PTPRC: variants seen among roughly 807,000 people sequenced by gnomAD.
PTPRC encodes the protein protein tyrosine phosphatase receptor type C.
Under a neutral mutation model 155.9 loss-of-function variants are expected in PTPRC, and 44 were observed. The observed-to-expected ratio is 0.28, with a 90% CI of 0.22 to 0.36. The LOEUF is 0.36. PTPRC is among the 10% of genes least tolerant of loss of function. The pLI, the probability that PTPRC is intolerant of heterozygous loss-of-function variation, is 1.00. For missense variants in PTPRC, 1,401 were observed against 1,564.6 expected, an observed-to-expected ratio of 0.90 and a Z score of 1.76; for synonymous variants, 525 against 533.1, an observed-to-expected ratio of 0.98 and a Z score of 0.21.
At chr1:198,698,739 T>C (rs1421249860) in intron 4 of PTPRC, among the ~76,000 whole-genome samples, 1 of 152,092 alleles carries the variant, frequency 6.6e-6, no homozygotes, top group East Asian at 1.9e-4. Context: ...AGTATATGTA[T>C]GTGTTGTGTG....
chr1:198,698,594 A>G (rs1265088148), intron 4 of PTPRC, among the ~76,000 whole-genome samples: 1 of 152,020 alleles, frequency 6.6e-6, no homozygotes, highest in Non-Finnish European at 1.5e-5. Context: ...TACAATGACC[A>G]TCCATGTGCA....
At chr1:198,686,637 C>G (rs185255993) in intron 2 of PTPRC, among the ~76,000 whole-genome samples, 6 of 152,228 alleles carry the variant, frequency 3.9e-5, no homozygotes, top group Non-Finnish European at 7.4e-5. Flanking sequence ...TTTGCTTTAC[C>G]TATTTTCCAC....
At chr1:198,695,892 T>C (rs1318556550) in intron 3 of PTPRC, among the ~76,000 whole-genome samples, 1 of 152,160 alleles carries the variant, frequency 6.6e-6, no homozygotes, top group Non-Finnish European at 1.5e-5. Flanking sequence ...CCAGGCGTGG[T>C]GGCTCACGCC....
intron 2 of PTPRC, among the ~76,000 whole-genome samples, chr1:198,683,820 C>A (rs191474870): frequency 3.3e-5 from 5 of 151,940 alleles, no homozygotes; most frequent in African/African-American, 1.2e-4. Flanking sequence ...TGATAACAAG[C>A]CAGAATTTTG....
chr1:198,695,306 C>T (rs1016250073), intron 3 of PTPRC: 1 of 607,918 alleles, frequency 1.6e-6, no homozygotes, highest in African/African-American at 2.0e-5. Context: ...TTGTCTTTTG[C>T]CCAATCTTGT....
intron 25 of PTPRC, among the ~76,000 whole-genome samples, chr1:198,742,775 G>A (rs1215935301): frequency 3.3e-5 from 5 of 151,738 alleles, no homozygotes; most frequent in Non-Finnish European, 2.9e-5. Flanking sequence ...TAATACGAGG[G>A]TGAGTGGTAT....
intron 23 of PTPRC, among the ~76,000 whole-genome samples, chr1:198,740,261 A>AAT (rs1278515479): frequency 6.6e-6 from 1 of 151,898 alleles, no homozygotes; most frequent in African/African-American, 2.4e-5. Flanking sequence ...GCATCAATGA[A>AAT]ATAAAATGTT....
chr1:198,670,604 G>T (rs935669104), intron 2 of PTPRC, among the ~76,000 whole-genome samples: 1 of 151,968 alleles, frequency 6.6e-6, no homozygotes, highest in Admixed American at 6.6e-5. Flanking sequence ...ACACAATTTT[G>T]AGAGAAGTTG....
intron 23 of PTPRC, among the ~76,000 whole-genome samples, chr1:198,735,599 G>GA (rs564008292): frequency 6.6e-6 from 1 of 151,190 alleles, no homozygotes; most frequent in East Asian, 1.9e-4. Flanking sequence ...CTACTTTTAT[G>GA]AAAAAAAATT....
At chr1:198,687,631 T>C (rs1399452298) in intron 2 of PTPRC, among the ~76,000 whole-genome samples, 1 of 152,140 alleles carries the variant, frequency 6.6e-6, no homozygotes. Flanking sequence ...GGGAATGTCC[T>C]TTAGATGTTA....
chr1:198,685,238 T>A (rs1271778163), intron 2 of PTPRC, among the ~76,000 whole-genome samples: 1 of 151,940 alleles, frequency 6.6e-6, no homozygotes, highest in South Asian at 2.1e-4. Context: ...AATTATTAAA[T>A]AGACACTATT....
At chr1:198,662,955 A>G (rs1018894764) in intron 2 of PTPRC, among the ~76,000 whole-genome samples, 29 of 152,224 alleles carry the variant, frequency 1.9e-4, no homozygotes, top group African/African-American at 6.7e-4. Flanking sequence ...TGACCATTGT[A>G]CACATGTGGG....
chr1:198,714,957 GTTTT>G (rs376790451), intron 12 of PTPRC, among the ~76,000 whole-genome samples: 1 of 152,014 alleles, frequency 6.6e-6, no homozygotes, highest in Non-Finnish European at 1.5e-5. Context: ...GGTTTAGCAG[GTTTT>G]TTTAATTATG....
intron 26 of PTPRC, 73 bp downstream of exon 26, chr1:198,744,276 G>T (rs1161409715): frequency 6.3e-6 from 9 of 1,419,602 alleles, no homozygotes; most frequent in Middle Eastern, 1.9e-4. Context: ...CTAGGTGTTT[G>T]CTATGCACTT....
intron 10 of PTPRC, 40 bp downstream of exon 10, chr1:198,708,301 C>T (rs1423964803): frequency 6.4e-7 from 1 of 1,565,940 alleles, no homozygotes; most frequent in Non-Finnish European, 8.8e-7. Flanking sequence ...TTTTTTGTGG[C>T]ACAATGTTGT....
chr1:198,745,714 G>A (rs1341843591), intron 26 of PTPRC, among the ~76,000 whole-genome samples: 1 of 151,758 alleles, frequency 6.6e-6, no homozygotes, highest in East Asian at 1.9e-4. Context: ...AGATAGTTGA[G>A]TTAAACCTAT....
At chr1:198,716,345 T>C (rs1409781184) in intron 12 of PTPRC, among the ~76,000 whole-genome samples, 1 of 152,208 alleles carries the variant, frequency 6.6e-6, no homozygotes, top group Non-Finnish European at 1.5e-5. Context: ...AACATGCAAC[T>C]CAAGACTTAC....
rs561125791 is a variant in PTPRC, at chr1:198,745,362, G to A, written c.2847+1159G>A. Among the ~76,000 whole-genome samples the A allele has an allele frequency of 4.6e-5, 7 of 151,880 alleles. No individual in the cohort carries two copies. The Middle Eastern group carries it at 0.014, about 295-fold the overall frequency. On this transcript the variant is annotated intron_variant, in intron 26 of 32. Coordinates refer to ENST00000442510, the MANE Select transcript of PTPRC (RefSeq NM_002838.5). ...AAGCAGACAGTAAGACAGAAGATGA[G>A]AGTAGAAATGCAAGTCGGTTGGTAA... is the stretch of plus-strand genomic sequence containing the variant.
chr1:198,749,304 A>AGTT, intron 27 of PTPRC, 112 bp from the exon 28 acceptor site: 3 of 1,076,760 alleles, frequency 2.8e-6, no homozygotes, highest in Non-Finnish European at 4.1e-6. Flanking sequence ...TAGATCAGTA[A>AGTT]GTTTTCATAA....
Sources: allele counts gnomAD v4.1 joint callset (sites outside exome capture counted in the v4.1 genomes callset), GRCh38; gene constraint gnomAD v4.1.1; transcripts MANE v1.5; gene names NCBI Gene and HGNC (gene_info 2026-07-23, HGNC 2026-07-21).